Variants in GPR19 observed in about 807,000 individuals in gnomAD.
The protein encoded by GPR19 is probable G protein-coupled receptor 19.
A neutral mutation model predicts 28.5 loss-of-function variants in GPR19; 14 were observed. That is an observed-to-expected ratio of 0.49 (90% confidence interval 0.32 to 0.77). GPR19 has a LOEUF of 0.77. Among genes scored for constraint, GPR19 ranks in the 30% least tolerant of loss-of-function variants. The pLI is 0.03. For missense variants in GPR19, 409 were observed against 504.1 expected (o/e 0.81, Z 1.81); for synonymous variants, 173 against 184.1 (o/e 0.94, Z 0.49).
intron 3 of GPR19, among the ~76,000 whole-genome samples, chr12:12,663,296 C>CA (rs551829767): frequency 2.0e-5 from 3 of 151,670 alleles, no homozygotes; most frequent in Admixed American, 6.6e-5. Flanking sequence ...TTAAAAACAA[C>CA]AAAAAAATGT....
At chr12:12,711,957 A>G in the GPR19 span, among the ~76,000 whole-genome samples, 1 of 152,170 alleles carries the variant, frequency 6.6e-6, no homozygotes, top group South Asian at 2.1e-4. Context: ...TCATCCTCCA[A>G]AATTACCTCC....
chr12:12,695,141 T>G (rs368768938), intron 2 of GPR19, among the ~76,000 whole-genome samples: 1 of 152,208 alleles, frequency 6.6e-6, no homozygotes, highest in South Asian at 2.1e-4. Context: ...GGAGTAAAAT[T>G]ACGTATTCCA....
chr12:12,707,943 T>C, the GPR19 span, among the ~76,000 whole-genome samples: 3 of 150,274 alleles, frequency 2.0e-5, no homozygotes, highest in Non-Finnish European at 3.0e-5. Context: ...GGAAATTAAA[T>C]TATGTGTGTG....
In GPR19 at chr12:12,680,518, GT is replaced by G. The variant is rs560092219; in HGVS notation, c.-23+3832del. On this transcript the variant is annotated intron_variant, in intron 3 of 3. Transcript: ENST00000651487. ...ACTGCCCTTTTGCCTTTTATTTTTT[GT>G]TTTTTGAGATAGGGTCTTGCTTTGT... is the stretch of plus-strand genomic sequence containing the variant. Among the ~76,000 whole-genome samples, 270 of 152,164 alleles carry G rather than the reference GT, an allele frequency of 1.8e-3. 1 individual carries two copies. Among genetic ancestry groups the G allele is most frequent in the South Asian group, 4.8e-3 (23 of 4,818 alleles).
intron 3 of GPR19, among the ~76,000 whole-genome samples, chr12:12,679,205 T>C (rs1945983415): frequency 6.6e-6 from 1 of 152,042 alleles, no homozygotes; most frequent in African/African-American, 2.4e-5. Flanking sequence ...CAGTGAACAT[T>C]TGGAAATGTC....
At chr12:12,664,431 T>C (rs546582609) in intron 3 of GPR19, among the ~76,000 whole-genome samples, 3 of 152,244 alleles carry the variant, frequency 2.0e-5, no homozygotes, top group African/African-American at 7.2e-5. Context: ...ATATTATCTT[T>C]AGGCTTTTTT....
At chr12:12,676,699 A>G (rs1945936575) in intron 3 of GPR19, among the ~76,000 whole-genome samples, 1 of 152,216 alleles carries the variant, frequency 6.6e-6, no homozygotes, top group African/African-American at 2.4e-5. Flanking sequence ...CTCTCAGAGA[A>G]GAGACACATT....
the GPR19 span, among the ~76,000 whole-genome samples, chr12:12,708,376 T>G: frequency 6.6e-6 from 1 of 152,228 alleles, no homozygotes; most frequent in African/African-American, 2.4e-5. Context: ...CTTTAAATTC[T>G]GACCCCACTA....
At chr12:12,672,554 C>T (rs1945869296) in intron 3 of GPR19, among the ~76,000 whole-genome samples, 1 of 152,158 alleles carries the variant, frequency 6.6e-6, no homozygotes, top group Non-Finnish European at 1.5e-5. Flanking sequence ...TGAGACCAGC[C>T]TGGCCAACAT....
At chr12:12,703,205 C>A in the GPR19 span, among the ~76,000 whole-genome samples, 5 of 152,084 alleles carry the variant, frequency 3.3e-5, no homozygotes, top group African/African-American at 1.2e-4. Flanking sequence ...ATCACATGTT[C>A]CAAATGAGCT....
chr12:12,707,931 A>G, the GPR19 span, among the ~76,000 whole-genome samples: 1 of 149,130 alleles, frequency 6.7e-6, no homozygotes, highest in Non-Finnish European at 1.5e-5. Context: ...TGTTTTAACC[A>G]TGGAAATTAA....
the GPR19 span, chr12:12,716,882 C>A: frequency 3.0e-6 from 3 of 984,520 alleles, no homozygotes; most frequent in Non-Finnish European, 3.6e-6. Flanking sequence ...CGGCCTCCCC[C>A]GCAGACCACG....
chr12:12,689,269 G>C (rs764343511), intron 2 of GPR19, among the ~76,000 whole-genome samples: 6 of 152,078 alleles, frequency 3.9e-5, no homozygotes, highest in Non-Finnish European at 7.4e-5. Flanking sequence ...CCAATACCGG[G>C]TATTACAATT....
intron 3 of GPR19, among the ~76,000 whole-genome samples, chr12:12,682,344 C>T (rs1227997322): frequency 6.6e-6 from 1 of 152,148 alleles, no homozygotes; most frequent in Non-Finnish European, 1.5e-5. Flanking sequence ...TTGACTGTTG[C>T]CAAGTTCTTA....
chr12:12,713,057 CTTTTTTTTTTTTTT>C, the GPR19 span, among the ~76,000 whole-genome samples: 1 of 108,088 alleles, frequency 9.3e-6, no homozygotes, highest in Non-Finnish European at 1.8e-5. Flanking sequence ...ATCTGATGCG[CTTTTTTTTTTTTTT>C]TTTTTTTTTA....
the GPR19 span, among the ~76,000 whole-genome samples, chr12:12,704,010 GTA>G: frequency 6.6e-6 from 1 of 152,238 alleles, no homozygotes; most frequent in African/African-American, 2.4e-5. Flanking sequence ...TAGAGACAGT[GTA>G]TGTGTTGGTG....
At chr12:12,696,802 C>A (rs1946269654), upstream of GPR19, among the ~76,000 whole-genome samples, 1 of 152,182 alleles carries the variant, frequency 6.6e-6, no homozygotes, top group South Asian at 2.1e-4. Flanking sequence ...GTCATGTTTT[C>A]ATTTGGGAAC....
upstream of GPR19, among the ~76,000 whole-genome samples, chr12:12,696,875 T>C (rs550200201): frequency 3.3e-5 from 5 of 152,132 alleles, no homozygotes; most frequent in South Asian, 1.0e-3. Flanking sequence ...AAAATAATGG[T>C]AGGGAAAACA....
chr12:12,712,951 A>G, the GPR19 span, among the ~76,000 whole-genome samples: 1 of 151,542 alleles, frequency 6.6e-6, no homozygotes, highest in African/African-American at 2.4e-5. Context: ...TACACATGGT[A>G]TTGATCACTG....
Sources: gnomAD v4.1 joint callset for allele counts (sites outside exome capture counted in the v4.1 genomes callset) on GRCh38, gnomAD v4.1.1 for gene constraint, MANE v1.5 for transcripts, NCBI Gene and HGNC (gene_info 2026-07-23, HGNC 2026-07-21) for gene names.